KIF1B: variants seen among roughly 807,000 people sequenced by gnomAD.
KIF1B encodes kinesin family member 1B, also known as kinesin-like protein KIF1B.
KIF1B carries 76 observed loss-of-function variants against 241.9 expected under a neutral mutation model. The observed-to-expected ratio is 0.31, with a 90% CI of 0.26 to 0.38. The LOEUF (loss-of-function observed/expected upper bound fraction) is 0.38, where lower values mean the gene tolerates loss of function less well. KIF1B is among the 10% of genes least tolerant of loss of function. The probability of loss-of-function intolerance (pLI) is 1.00; values close to 1 mark genes in which losing one functional copy is unlikely to be tolerated. For synonymous variants in KIF1B, 750 were observed against 796.7 expected, an observed-to-expected ratio of 0.94 and a Z score of 0.99; for missense variants, 1,622 against 2,271.4, an observed-to-expected ratio of 0.71 and a Z score of 5.81.
At chr1:10,237,838 C>A (rs964646876) in intron 2 of KIF1B, among the ~76,000 whole-genome samples, 1 of 151,636 alleles carries the variant, frequency 6.6e-6, no homozygotes, top group African/African-American at 2.4e-5. Flanking sequence ...GAAACCCTGT[C>A]TCTACAAAAA....
intron 45 of KIF1B, among the ~76,000 whole-genome samples, chr1:10,371,867 A>G (rs1448274341): frequency 2.0e-5 from 3 of 152,278 alleles, no homozygotes; most frequent in Admixed American, 6.5e-5. Context: ...CAGGAGTTCA[A>G]GGTTGCAGTG....
intron 5 of KIF1B, among the ~76,000 whole-genome samples, chr1:10,265,142 C>CTAAGA (rs1648379337): frequency 6.6e-6 from 1 of 151,816 alleles, no homozygotes; most frequent in African/African-American, 2.4e-5. Context: ...TCCCAAAGTG[C>CTAAGA]TAAGATTACA....
rs115572152 is a variant in KIF1B at position 10,354,671 on chromosome 1, G to A, written c.4055+1935G>A. Among the ~76,000 whole-genome samples the A allele has an allele frequency of 6.9e-3, 1,054 of 152,228 alleles. 11 individuals carry two copies. The highest frequency in any genetic ancestry group is 0.013 in the Admixed American group (195 of 15,276). On this transcript the variant is annotated intron_variant, in intron 38 of 48. Coordinates refer to ENST00000676179, the MANE Select transcript of KIF1B (RefSeq NM_001365951.3). ...TAGATAATAATAATAAGTACAACTG[G>A]CATAAACAGATTTGGGACCAGATAC...
chr1:10,257,648 G>A (rs1647873422), intron 3 of KIF1B, among the ~76,000 whole-genome samples: 1 of 151,822 alleles, frequency 6.6e-6, no homozygotes, highest in Admixed American at 6.6e-5. Context: ...TCATCTCTTT[G>A]TTACATGTTT....
chr1:10,246,618 C>T (rs1430387305), intron 2 of KIF1B, among the ~76,000 whole-genome samples: 2 of 152,164 alleles, frequency 1.3e-5, no homozygotes, highest in African/African-American at 4.8e-5. Context: ...GTGGTGCACG[C>T]CCATAGTCCC....
In KIF1B at chr1:10,374,748, T is replaced by C; in HGVS notation, c.5097-106T>C. 12 of 1,130,426 alleles carry C rather than the reference T, an allele frequency of 1.1e-5. No homozygotes were observed. The highest frequency in any genetic ancestry group is 1.6e-5 in the Non-Finnish European group (12 of 752,708). The allele number at this position is 1,130,426 out of a possible 1,614,324, so 70.0% of individuals were successfully genotyped here. On this transcript the variant is annotated intron_variant, in intron 46 of 48. Coordinates refer to ENST00000676179, the MANE Select transcript of KIF1B (RefSeq NM_001365951.3). The surrounding 1 kb of genome is among the most constrained non-coding windows in gnomAD (Gnocchi z 4.3). Reference sequence around the variant, plus strand: ...AGGCCAAATAGGTCATTTGCCTGTTTCATCGAATCTAAGGACTTGGCCTAA... The same window carrying C: ...AGGCCAAATAGGTCATTTGCCTGTTCCATCGAATCTAAGGACTTGGCCTAA...
intron 15 of KIF1B, among the ~76,000 whole-genome samples, chr1:10,288,529 G>A (rs1649824687): frequency 6.6e-6 from 1 of 152,070 alleles, no homozygotes; most frequent in South Asian, 2.1e-4. Flanking sequence ...CATTTCAGGT[G>A]GTTTTTGTCA....
chr1:10,229,867 CAAAAAAAAAAAAAAA>C (rs58923572), intron 1 of KIF1B, among the ~76,000 whole-genome samples: 3 of 56,454 alleles, frequency 5.3e-5, no homozygotes, highest in African/African-American at 2.8e-4. Flanking sequence ...GACTCCGTCT[CAAAAAAAAAAAAAAA>C]AAAAAAAAAA....
At chr1:10,248,366 A>AT (rs1647273360) in intron 2 of KIF1B, among the ~76,000 whole-genome samples, 1 of 151,730 alleles carries the variant, frequency 6.6e-6, no homozygotes, top group African/African-American at 2.4e-5. Context: ...TACTTGGCTA[A>AT]TTTTTTGTAT....
At position 10,295,760 on chromosome 1, in the gene KIF1B, G is replaced by A. The variant is rs145266399; in HGVS notation, c.1771G>A (p.Gly591Arg). 2.5e-4 allele frequency: 400 copies of A among 1,612,512 alleles called. No homozygotes were observed. Among genetic ancestry groups the A allele is most frequent in the Admixed American group, 1.9e-3 (116 of 60,006 alleles). The part of the protein sequence containing the change: ...CIFRSERSNS[G>R]EVIVTLEPCE... Reference sequence around the variant, plus strand: ...CTTCCGGAGTGAGAGAAGCAACAGCGGGGAAGGTGAGCATTCCTGGCTGGA... The same window carrying A: ...CTTCCGGAGTGAGAGAAGCAACAGCAGGGAAGGTGAGCATTCCTGGCTGGA... The change falls in exon 19 of 49, where the codon GGG becomes AGG. Residue 591 changes from glycine (G) to arginine (R), a missense_variant. Gly to Arg is a moderately radical substitution (Grantham distance 125). Transcript: ENST00000676179.
intron 37 of KIF1B, among the ~76,000 whole-genome samples, chr1:10,351,029 A>G (rs1302206481): frequency 6.7e-6 from 1 of 148,204 alleles, no homozygotes; most frequent in Non-Finnish European, 1.5e-5. Flanking sequence ...TCGAGGCTGC[A>G]GTGAACCATG....
rs937986814 is a variant in KIF1B, at chr1:10,378,008, T to C, written c.*1421T>C. ...ACAGCTCCCTTTGATCAAAGAAATA[T>C]AGCTTTCAGGCATAAACCTGGAAGT... is the stretch of plus-strand genomic sequence containing the variant. On this transcript the variant is annotated 3_prime_UTR_variant, in exon 49 of 49. Coordinates refer to ENST00000676179, the MANE Select transcript of KIF1B (RefSeq NM_001365951.3). 7 of 323,460 alleles carry C rather than the reference T, an allele frequency of 2.2e-5. No individual in the cohort carries two copies. The highest frequency in any genetic ancestry group is 3.4e-5 in the Non-Finnish European group (6 of 174,334). 20.0% of individuals were successfully genotyped at this position (323,460 alleles called of 1,614,324 possible). A position where few individuals can be genotyped will look rare whatever the true frequency, so the allele number is the denominator to read the frequency against.
At chr1:10,357,578 A>T (rs1440825187) in intron 38 of KIF1B, among the ~76,000 whole-genome samples, 2 of 152,076 alleles carry the variant, frequency 1.3e-5, no homozygotes, top group Non-Finnish European at 2.9e-5. Flanking sequence ...GAAAAAAAAA[A>T]ATTAATTAGC....
intron 37 of KIF1B, among the ~76,000 whole-genome samples, chr1:10,349,796 T>G (rs1397611133): frequency 6.6e-6 from 1 of 152,192 alleles, no homozygotes; most frequent in Non-Finnish European, 1.5e-5. Flanking sequence ...GAACTTTTGT[T>G]GCCATGGACC....
chr1:10,338,976 T>A (rs1013844523), intron 31 of KIF1B, among the ~76,000 whole-genome samples: 5 of 152,180 alleles, frequency 3.3e-5, no homozygotes, highest in Non-Finnish European at 7.4e-5. Context: ...TTTTCTCCAT[T>A]TTTTCTTGAT....
intron 22 of KIF1B, among the ~76,000 whole-genome samples, chr1:10,319,443 A>G (rs141148034): frequency 8.5e-5 from 13 of 152,310 alleles, no homozygotes; most frequent in African/African-American, 2.4e-4. Flanking sequence ...AAAGTGTCTT[A>G]CTTGAATAAC....
At chr1:10,317,277 C>G (rs1651342995) in intron 22 of KIF1B, among the ~76,000 whole-genome samples, 1 of 151,462 alleles carries the variant, frequency 6.6e-6, no homozygotes, top group South Asian at 2.1e-4. Context: ...TGAATTCTTT[C>G]TATATTCAAT....
chr1:10,372,954 C>G (rs914428016), intron 45 of KIF1B, among the ~76,000 whole-genome samples: 4 of 151,266 alleles, frequency 2.6e-5, no homozygotes, highest in African/African-American at 7.3e-5. Flanking sequence ...GCTGGGATTA[C>G]AGGCACCCGC....
At chr1:10,259,901 G>A (rs888292262) in intron 4 of KIF1B, among the ~76,000 whole-genome samples, 3 of 151,506 alleles carry the variant, frequency 2.0e-5, no homozygotes, top group African/African-American at 7.3e-5. Context: ...TGCCTGCCTC[G>A]ACTTCCAGAA....
Sources: allele counts gnomAD v4.1 joint callset (sites outside exome capture counted in the v4.1 genomes callset), GRCh38; gene constraint gnomAD v4.1.1; non-coding constraint Gnocchi (gnomAD v3.1); transcripts MANE v1.5; gene names NCBI Gene and HGNC (gene_info 2026-07-23, HGNC 2026-07-21).